UNC119B: variants seen among roughly 807,000 people sequenced by gnomAD.
The protein encoded by UNC119B is protein unc-119 homolog B.
A neutral mutation model predicts 23.4 loss-of-function variants in UNC119B; 16 were observed. The observed-to-expected ratio is 0.68, with a 90% CI of 0.46 to 1.04. UNC119B has a LOEUF of 1.04. Ranked by LOEUF, UNC119B falls within the 50% of genes least tolerant of loss-of-function variation. UNC119B has a pLI of 0.00. For synonymous variants in UNC119B, 144 were observed against 145.4 expected, an observed-to-expected ratio of 0.99 and a Z score of 0.07; for missense variants, 350 against 361.3, an observed-to-expected ratio of 0.97 and a Z score of 0.25.
chr12:120,719,111 G>A (rs1371167825), intron 4 of UNC119B, among the ~76,000 whole-genome samples: 1 of 152,188 alleles, frequency 6.6e-6, no homozygotes, highest in African/African-American at 2.4e-5. Context: ...GAGAACTGTG[G>A]TGAGCAACAG....
intron 1 of UNC119B, among the ~76,000 whole-genome samples, chr12:120,711,947 A>G (rs1882680496): frequency 1.3e-5 from 2 of 152,202 alleles, no homozygotes; most frequent in Non-Finnish European, 2.9e-5. Context: ...ATCTTTAGAC[A>G]TTCTTGTTAG....
intron 1 of UNC119B, among the ~76,000 whole-genome samples, chr12:120,712,958 C>T (rs1774663543): frequency 6.6e-6 from 1 of 152,194 alleles, no homozygotes; most frequent in South Asian, 2.1e-4. Flanking sequence ...AAAAGTTCGC[C>T]CTGTTCTGAC....
rs992207459 is a variant in UNC119B, at chr12:120,719,852, A to G, written c.644-68A>G. On this transcript the variant is annotated intron_variant, in intron 4 of 4. Coordinates refer to ENST00000344651, the MANE Select transcript of UNC119B (RefSeq NM_001080533.3). ...TGGAGGGGATGCAAAGTTTTCTCCC[A>G]CCTACCCTGTGGGGCAGACTCAAAC... 2.7e-5 allele frequency: 31 copies of G among 1,156,026 alleles called. No homozygotes were observed. In the Admixed American group the frequency reaches 2.8e-4, roughly 11 times the overall value. 71.6% of individuals were successfully genotyped at this position (1,156,026 alleles called of 1,614,324 possible).
At position 120,710,739 on chromosome 12, in the gene UNC119B, G is replaced by T. The variant is rs1349056900; in HGVS notation, c.244+21G>T. 2.2e-6 allele frequency: 3 copies of T among 1,333,344 alleles called. No individual in the cohort carries two copies. The African/African-American group carries it at 4.6e-5, about 21-fold the overall frequency. The allele number at this position is 1,333,344 out of a possible 1,614,324, so 82.6% of individuals were successfully genotyped here. On this transcript the variant is annotated intron_variant, in intron 1 of 4. Coordinates refer to ENST00000344651, the MANE Select transcript of UNC119B (RefSeq NM_001080533.3). Reference sequence around the variant, plus strand: ...CGAGAGTGAGTGCCGCGCGGGCCGCGCCCTCCCCTCGCGCCGTGCCCCGGC... The same window carrying T: ...CGAGAGTGAGTGCCGCGCGGGCCGCTCCCTCCCCTCGCGCCGTGCCCCGGC...
chr12:120,716,119 A>G (rs183263661), intron 2 of UNC119B, among the ~76,000 whole-genome samples: 15 of 152,348 alleles, frequency 9.8e-5, no homozygotes, highest in African/African-American at 3.6e-4. Flanking sequence ...ATAAGTGTCA[A>G]CTTTTGTAGC....
rs1882884165 is a variant in UNC119B at position 120,720,902 on chromosome 12, T to G, written c.*870T>G. The G allele has an allele frequency of 6.6e-6, 1 of 152,230 alleles. No homozygotes were observed. The highest frequency in any genetic ancestry group is 2.4e-5 in the African/African-American group (1 of 41,440). The allele number at this position is 152,230 out of a possible 1,614,324, so 9.4% of individuals were successfully genotyped here. A position where few individuals can be genotyped will look rare whatever the true frequency, so the allele number is the denominator to read the frequency against. ...TCGGGGAGGTTTTATAAAATGACAG[T>G]GGTGTTCCCAGCATATGTGATATGT... On this transcript the variant is annotated 3_prime_UTR_variant, in exon 5 of 5. Transcript: ENST00000344651.
chr12:120,715,394 A>G (rs1248518744), intron 2 of UNC119B, among the ~76,000 whole-genome samples: 3 of 151,988 alleles, frequency 2.0e-5, no homozygotes, highest in Admixed American at 6.6e-5. Context: ...AAAAGCAGAG[A>G]TGTTTGATGC....
chr12:120,717,091 G>A (rs745881466), intron 4 of UNC119B, 49 bp downstream of exon 4: 21 of 1,512,448 alleles, frequency 1.4e-5, no homozygotes, highest in Non-Finnish European at 8.9e-7. Flanking sequence ...AGGGCTACAA[G>A]GAACAAACCT....
chr12:120,719,264 G>C (rs1433778038), intron 4 of UNC119B, among the ~76,000 whole-genome samples: 2 of 152,206 alleles, frequency 1.3e-5, no homozygotes, highest in Non-Finnish European at 2.9e-5. Context: ...GGTAGTGACT[G>C]TTAATTATCT....
In UNC119B at chr12:120,710,688, C is replaced by A. The variant is rs999707823; in HGVS notation, c.214C>A (p.His72Asn). 6 of 1,443,594 alleles carry A rather than the reference C, an allele frequency of 4.2e-6. No homozygotes were observed. The African/African-American group carries it at 5.9e-5, about 14-fold the overall frequency. 89.4% of individuals were successfully genotyped at this position (1,443,594 alleles called of 1,614,324 possible). A position where few individuals can be genotyped will look rare whatever the true frequency, so the allele number is the denominator to read the frequency against. ...LLALDTIRPE[H>N]VLRLSRVTEN... Reference sequence around the variant, plus strand: ...GGCGCTGGACACCATCCGGCCCGAGCACGTCCTGCGCCTCAGCCGGGTCAC... The same window carrying A: ...GGCGCTGGACACCATCCGGCCCGAGAACGTCCTGCGCCTCAGCCGGGTCAC... The change falls in exon 1 of 5, where the codon CAC becomes AAC. Residue 72 changes from histidine (H) to asparagine (N), a missense_variant. Transcript: ENST00000344651.
At chr12:120,718,363 T>C (rs1291283173) in intron 4 of UNC119B, among the ~76,000 whole-genome samples, 1 of 152,200 alleles carries the variant, frequency 6.6e-6, no homozygotes, top group African/African-American at 2.4e-5. Context: ...TAATCAGAGC[T>C]AGATGTGAAA....
At chr12:120,718,526 T>G (rs1457289659) in intron 4 of UNC119B, among the ~76,000 whole-genome samples, 7 of 152,176 alleles carry the variant, frequency 4.6e-5, no homozygotes, top group African/African-American at 1.7e-4. Flanking sequence ...AAATACTGTT[T>G]GAGGAAGAGT....
chr12:120,715,608 A>G (rs1015804629), intron 2 of UNC119B, among the ~76,000 whole-genome samples: 1 of 131,708 alleles, frequency 7.6e-6, no homozygotes, highest in African/African-American at 2.9e-5. Context: ...ATCTCGGCTC[A>G]CTACAACCTC....
chr12:120,713,992 C>T (rs1376578465), intron 2 of UNC119B, among the ~76,000 whole-genome samples: 1 of 152,196 alleles, frequency 6.6e-6, no homozygotes, highest in African/African-American at 2.4e-5. Context: ...TTAAATTAGC[C>T]TCCCATAGCC....
At chr12:120,716,490 T>A (rs908170608) in intron 2 of UNC119B, 138 bp from the exon 3 acceptor site, 1 of 861,716 alleles carries the variant, frequency 1.2e-6, no homozygotes, top group Non-Finnish European at 2.0e-6. Context: ...ATATAGCAAG[T>A]GCGCAGTAAA....
intron 2 of UNC119B, among the ~76,000 whole-genome samples, chr12:120,716,350 C>T (rs1222224558): frequency 6.6e-6 from 1 of 152,246 alleles, no homozygotes; most frequent in African/African-American, 2.4e-5. Context: ...GTTCCCTCCT[C>T]TTACTGTTTG....
chr12:120,714,468 C>G (rs757419530), intron 2 of UNC119B, among the ~76,000 whole-genome samples: 43 of 152,064 alleles, frequency 2.8e-4, no homozygotes, highest in Non-Finnish European at 5.7e-4. Context: ...TTACAGGTGC[C>G]CACCACCATG....
chr12:120,712,621 A>C (rs1882693619), intron 1 of UNC119B, among the ~76,000 whole-genome samples: 1 of 152,192 alleles, frequency 6.6e-6, no homozygotes, highest in East Asian at 1.9e-4. Flanking sequence ...GTACATTTTT[A>C]AATGGTTGAA....
intron 4 of UNC119B, among the ~76,000 whole-genome samples, chr12:120,717,838 C>G (rs1186866311): frequency 6.6e-6 from 1 of 150,970 alleles, no homozygotes; most frequent in Non-Finnish European, 1.5e-5. Context: ...CTGGGGATTA[C>G]AGGCGTGAGC....
Sources: gnomAD v4.1 joint callset for allele counts (sites outside exome capture counted in the v4.1 genomes callset) on GRCh38, gnomAD v4.1.1 for gene constraint, MANE v1.5 for transcripts, NCBI Gene and HGNC (gene_info 2026-07-23, HGNC 2026-07-21) for gene names.